NSD1: variants seen among roughly 807,000 people sequenced by gnomAD.
The protein encoded by NSD1 is histone-lysine N-methyltransferase, H3 lysine-36 specific.
Under a neutral mutation model 242.7 loss-of-function variants are expected in NSD1, and 26 were observed. That is an observed-to-expected ratio of 0.11 (90% CI 0.08 to 0.15). The LOEUF is 0.15. Among genes scored for constraint, NSD1 ranks in the 10% least tolerant of loss-of-function variants. NSD1 has a pLI of 1.00. For missense variants in NSD1, 2,495 were observed against 3,272.8 expected, an observed-to-expected ratio of 0.76 and a Z score of 5.80; for synonymous variants, 1,106 against 1,178.1, an observed-to-expected ratio of 0.94 and a Z score of 1.25.
chr5:177,159,054 A>ATATATATATATAT (rs1562132770), intron 2 of NSD1, among the ~76,000 whole-genome samples: 2 of 130,846 alleles, frequency 1.5e-5, no homozygotes, highest in African/African-American at 7.4e-5. Context: ...TATATGAATG[A>ATATATATATATAT]ATGAATGAGA....
intron 14 of NSD1, chr5:177,265,844 G>T (rs1331484305): frequency 1.8e-5 from 25 of 1,409,050 alleles, no homozygotes; most frequent in Non-Finnish European, 2.4e-5. Flanking sequence ...GGCCACCTGG[G>T]TGTGCACGTA....
At chr5:177,290,331 T>C (rs1759719643) in intron 21 of NSD1, among the ~76,000 whole-genome samples, 1 of 151,850 alleles carries the variant, frequency 6.6e-6, no homozygotes, top group African/African-American at 2.4e-5. Context: ...TCCATATGCC[T>C]TTTTGATTGT....
At chr5:177,289,675 G>A (rs987673997) in intron 21 of NSD1, among the ~76,000 whole-genome samples, 23 of 152,110 alleles carry the variant, frequency 1.5e-4, no homozygotes, top group African/African-American at 5.6e-4. Context: ...GATAAAAGTA[G>A]AACTCTTAAT....
intron 13 of NSD1, 28 bp from the exon 14 acceptor site, chr5:177,259,961 T>C: frequency 4.3e-6 from 7 of 1,613,952 alleles, no homozygotes; most frequent in African/African-American, 1.3e-5. Flanking sequence ...TGTTTTTCTT[T>C]TGCTTGTCCC....
intron 2 of NSD1, among the ~76,000 whole-genome samples, chr5:177,138,111 AAAC>A (rs1359975098): frequency 1.4e-4 from 21 of 152,088 alleles, no homozygotes; most frequent in Admixed American, 9.2e-4. Flanking sequence ...ACAAACAAAC[AAAC>A]AAAAAACTGA....
intron 2 of NSD1, among the ~76,000 whole-genome samples, chr5:177,152,976 G>A (rs1204116237): frequency 6.6e-6 from 1 of 152,004 alleles, no homozygotes; most frequent in African/African-American, 2.4e-5. Flanking sequence ...GTGAGCCACC[G>A]TGCCCTTCCC....
rs548945890 is a variant in NSD1, at chr5:177,298,144, G to C, written c.*2685G>C. 8.6e-6 allele frequency: 2 copies of C among 233,152 alleles called. No homozygotes were observed. The highest frequency in any genetic ancestry group is 4.4e-5 in the African/African-American group (2 of 45,422). The allele number at this position is 233,152 out of a possible 1,614,324, so 14.4% of individuals were successfully genotyped here. On this transcript the variant is annotated 3_prime_UTR_variant, in exon 23 of 23. Coordinates refer to ENST00000439151, the MANE Select transcript of NSD1 (RefSeq NM_022455.5). ...ACTCTTGGAGGAAGGTGGGGAGGGA[G>C]TGGCCTTGCCAGCCCTGTGGGACGT...
intron 3 of NSD1, among the ~76,000 whole-genome samples, chr5:177,200,956 G>A (rs1762469607): frequency 6.6e-6 from 1 of 151,850 alleles, no homozygotes; most frequent in South Asian, 2.1e-4. Flanking sequence ...GTGCAATGAG[G>A]CGTGATCTTG....
intron 16 of NSD1, among the ~76,000 whole-genome samples, chr5:177,272,246 C>G (rs914312404): frequency 1.3e-5 from 2 of 151,802 alleles, no homozygotes; most frequent in African/African-American, 4.8e-5. Flanking sequence ...AGGAGGTAGA[C>G]TAGGACATGC....
In NSD1 at chr5:177,297,865, T is replaced by C. The variant is rs1259555967; in HGVS notation, c.*2406T>C. The C allele has an allele frequency of 3.9e-5, 9 of 233,038 alleles. No individual in the cohort carries two copies. In the East Asian group the frequency reaches 5.4e-4, roughly 14 times the overall value. The allele number at this position is 233,038 out of a possible 1,614,324, so 14.4% of individuals were successfully genotyped here. A position where few individuals can be genotyped will look rare whatever the true frequency, so the allele number is the denominator to read the frequency against. The stretch of plus-strand genomic sequence containing the variant: ...TTTGGTTCTTTCCATTCTCCGCCAT[T>C]CATTGGAGGCTTCGTTCCAGACCTG... On this transcript the variant is annotated 3_prime_UTR_variant, in exon 23 of 23. Transcript: ENST00000439151.
intron 14 of NSD1, chr5:177,266,440 C>G: frequency 3.3e-6 from 2 of 614,104 alleles, no homozygotes; most frequent in Non-Finnish European, 6.1e-6. Context: ...AAAGAGGTGG[C>G]GGTTGTGAAA....
At chr5:177,257,233 T>A in intron 13 of NSD1, 82 bp downstream of exon 13, 2 of 1,055,416 alleles carry the variant, frequency 1.9e-6, no homozygotes, top group Non-Finnish European at 2.7e-6. Flanking sequence ...TCTTTCTTTT[T>A]TTTTTTTTTT....
chr5:177,188,114 G>A (rs773812095), intron 2 of NSD1, among the ~76,000 whole-genome samples: 7 of 152,044 alleles, frequency 4.6e-5, no homozygotes, highest in East Asian at 1.9e-4. Flanking sequence ...TGACTTATTC[G>A]TCTTTGTGTG....
Position 177,200,029 on chromosome 5 carries a change from T to C in NSD1, c.1064-4091T>C, listed in dbSNP as rs1394229391. On this transcript the variant is annotated intron_variant, in intron 3 of 22. Coordinates refer to ENST00000439151, the MANE Select transcript of NSD1 (RefSeq NM_022455.5). ...TCCACTAGGAATGCATTGGTTCTGA[T>C]TTTTCCCATATCCCCATCATTGGTT... is the stretch of plus-strand genomic sequence containing the variant. Among the ~76,000 whole-genome samples the C allele has an allele frequency of 2.6e-5, 4 of 152,314 alleles. No individual in the cohort carries two copies. In the East Asian group the frequency reaches 7.7e-4, roughly 29 times the overall value.
At chr5:177,234,337 A>G (rs767738602) in intron 5 of NSD1, among the ~76,000 whole-genome samples, 1 of 152,206 alleles carries the variant, frequency 6.6e-6, no homozygotes, top group Non-Finnish European at 1.5e-5. Context: ...TATAGATGAC[A>G]TGGTTAATGT....
In NSD1 at chr5:177,191,928, A is replaced by G; in HGVS notation, c.972A>G (p.Gly324=). Residue 324 remains glycine, a synonymous_variant, in exon 3 of 23, where the codon GGA becomes GGG. Coordinates refer to ENST00000439151, the MANE Select transcript of NSD1 (RefSeq NM_022455.5). ...CTACGCCACTGAAGTATGAAGTTGG[A>G]GATCTCATCTGGGCAAAATTCAAGA... ...KKSTPLKYEV[G]DLIWAKFKRR... 6.2e-7 allele frequency: 1 copy of G among 1,614,172 alleles called. No individual in the cohort carries two copies.
chr5:177,140,628 C>G (rs1266735007), intron 2 of NSD1, among the ~76,000 whole-genome samples: 5 of 152,028 alleles, frequency 3.3e-5, no homozygotes, highest in Non-Finnish European at 7.4e-5. Context: ...TGTGATTGTG[C>G]CTGTGAATAG....
chr5:177,183,996 T>C (rs887824230), intron 2 of NSD1, among the ~76,000 whole-genome samples: 1 of 152,232 alleles, frequency 6.6e-6, no homozygotes, highest in Non-Finnish European at 1.5e-5. Context: ...TGAATAACAC[T>C]CCATTATGTA....
intron 2 of NSD1, among the ~76,000 whole-genome samples, chr5:177,165,163 T>C (rs1031565612): frequency 2.6e-5 from 4 of 152,264 alleles, no homozygotes; most frequent in Admixed American, 1.3e-4. Flanking sequence ...TTCACCATTG[T>C]AACCATTTTA....
Sources: allele counts gnomAD v4.1 joint callset (sites outside exome capture counted in the v4.1 genomes callset), GRCh38; gene constraint gnomAD v4.1.1; transcripts MANE v1.5; gene names NCBI Gene and HGNC (gene_info 2026-07-23, HGNC 2026-07-21).